DLGAP1: variants seen among roughly 807,000 people sequenced by gnomAD.
The protein encoded by DLGAP1 is disks large-associated protein 1.
A neutral mutation model predicts 90.8 loss-of-function variants in DLGAP1; 11 were observed. That is an observed-to-expected ratio of 0.12 (90% CI 0.08 to 0.20). DLGAP1 has a LOEUF of 0.20. DLGAP1 is among the 10% of genes least tolerant of loss of function. The pLI, the probability that DLGAP1 is intolerant of heterozygous loss-of-function variation, is 1.00. For synonymous variants in DLGAP1, 558 were observed against 540.7 expected (o/e 1.03, Z -0.44); for missense variants, 1,050 against 1,333.8 (o/e 0.79, Z 3.31).
At chr18:4,163,379 A>T (rs1485425059) in intron 1 of DLGAP1, among the ~76,000 whole-genome samples, 1 of 152,240 alleles carries the variant, frequency 6.6e-6, no homozygotes, top group Non-Finnish European at 1.5e-5. Flanking sequence ...GTATATCTGT[A>T]CGCACTACTA....
At chr18:4,324,409 T>C (rs959310030) in intron 1 of DLGAP1, among the ~76,000 whole-genome samples, 1 of 151,778 alleles carries the variant, frequency 6.6e-6, no homozygotes, top group African/African-American at 2.4e-5. Flanking sequence ...CAAGGCCAGA[T>C]GGATTCACAG....
intron 2 of DLGAP1, among the ~76,000 whole-genome samples, chr18:4,006,456 CCAA>C (rs2074302220): frequency 6.6e-6 from 1 of 152,182 alleles, no homozygotes; most frequent in Admixed American, 6.5e-5. Flanking sequence ...TCTGTTCTCA[CCAA>C]CGAGTATAAA....
chr18:4,079,713 TAA>T (rs60761325), intron 2 of DLGAP1, among the ~76,000 whole-genome samples: 4 of 134,610 alleles, frequency 3.0e-5, no homozygotes, highest in Admixed American at 2.9e-4. Context: ...TATATATATA[TAA>T]AAGAAAATCA....
intron 2 of DLGAP1, among the ~76,000 whole-genome samples, chr18:4,070,515 T>C (rs1314839816): frequency 5.1e-5 from 3 of 59,198 alleles, no homozygotes; most frequent in Admixed American, 1.3e-4. Context: ...TAAAAGTATA[T>C]TTTTTTTGCA....
At chr18:3,840,276 ATC>A (rs1282270777) in intron 4 of DLGAP1, among the ~76,000 whole-genome samples, 3 of 152,300 alleles carry the variant, frequency 2.0e-5, no homozygotes, top group East Asian at 3.9e-4. Context: ...CTCATATTTA[ATC>A]TCTTACAGTT....
At chr18:4,052,792 T>C (rs2075154995) in intron 2 of DLGAP1, among the ~76,000 whole-genome samples, 1 of 152,188 alleles carries the variant, frequency 6.6e-6, no homozygotes, top group African/African-American at 2.4e-5. Flanking sequence ...TAGAAGTTTC[T>C]TTCCCCAGAT....
intron 1 of DLGAP1, among the ~76,000 whole-genome samples, chr18:4,310,362 CA>C (rs2080368944): frequency 6.6e-6 from 1 of 152,132 alleles, no homozygotes; most frequent in Non-Finnish European, 1.5e-5. Flanking sequence ...AAACACAAAA[CA>C]ACTGGTGCTT....
At chr18:4,080,309 C>T (rs4798163) in intron 2 of DLGAP1, among the ~76,000 whole-genome samples, 97,731 of 152,064 alleles carry the variant, frequency 0.64, 31,994 homozygotes, top group Non-Finnish European at 0.7. Flanking sequence ...TTAATGATAA[C>T]GCTATCATTT....
intron 1 of DLGAP1, among the ~76,000 whole-genome samples, chr18:4,449,057 A>G (rs749501180): frequency 3.3e-5 from 5 of 152,186 alleles, no homozygotes; most frequent in Non-Finnish European, 5.9e-5. Context: ...AGACAGGCAT[A>G]TACGCAGAAA....
intron 7 of DLGAP1, among the ~76,000 whole-genome samples, chr18:3,639,755 C>CT (rs58862252): frequency 0.011 from 1,334 of 118,272 alleles, 40 homozygotes; most frequent in African/African-American, 0.022. Context: ...GCAGAGTTGC[C>CT]TTTTTTTTTT....
At chr18:4,304,260 G>T (rs1043990976) in intron 1 of DLGAP1, among the ~76,000 whole-genome samples, 1 of 151,530 alleles carries the variant, frequency 6.6e-6, no homozygotes, top group Non-Finnish European at 1.5e-5. Flanking sequence ...TAATACTATA[G>T]AATTGTACAC....
intron 3 of DLGAP1, among the ~76,000 whole-genome samples, chr18:3,963,818 C>A (rs1030316229): frequency 6.6e-6 from 1 of 152,070 alleles, no homozygotes; most frequent in African/African-American, 2.4e-5. Context: ...GTGACAGCCA[C>A]TGGCCACATG....
At chr18:3,810,350 T>TAGAAA (rs1042983626) in intron 5 of DLGAP1, among the ~76,000 whole-genome samples, 5 of 151,984 alleles carry the variant, frequency 3.3e-5, no homozygotes, top group African/African-American at 4.8e-5. Flanking sequence ...CTTCGGAAAA[T>TAGAAA]AGAAAAGAAA....
chr18:3,623,544 T>C (rs150348228), intron 7 of DLGAP1, among the ~76,000 whole-genome samples: 64 of 151,994 alleles, frequency 4.2e-4, no homozygotes, highest in Admixed American at 1.0e-3. Flanking sequence ...TCCCAGCACT[T>C]TGGGAGGCTG....
At chr18:4,309,796 T>C (rs1375499964) in intron 1 of DLGAP1, among the ~76,000 whole-genome samples, 1 of 152,192 alleles carries the variant, frequency 6.6e-6, no homozygotes, top group African/African-American at 2.4e-5. Context: ...AGTTTTCTTA[T>C]GTATCAAATG....
chr18:3,523,740 T>TG (rs1489746722), intron 10 of DLGAP1, among the ~76,000 whole-genome samples: 1 of 149,672 alleles, frequency 6.7e-6, no homozygotes, highest in African/African-American at 2.5e-5. Context: ...CCAGCTACAC[T>TG]GGGAGGCTGA....
At chr18:4,076,241 T>C (rs997014810) in intron 2 of DLGAP1, among the ~76,000 whole-genome samples, 1 of 152,234 alleles carries the variant, frequency 6.6e-6, no homozygotes, top group African/African-American at 2.4e-5. Context: ...AAGAGCTTAT[T>C]GTAGCAAGTA....
intron 4 of DLGAP1, among the ~76,000 whole-genome samples, chr18:3,820,733 A>G (rs543541688): frequency 6.6e-6 from 1 of 152,342 alleles, no homozygotes; most frequent in Admixed American, 6.5e-5. Context: ...AATAATCTCA[A>G]TGAGCTAGGG....
intron 3 of DLGAP1, among the ~76,000 whole-genome samples, chr18:3,966,142 C>T (rs192777398): frequency 5.9e-5 from 9 of 151,736 alleles, no homozygotes; most frequent in African/African-American, 1.5e-4. Context: ...TTCGCTAATG[C>T]GGTTGGAGGG....
Sources: allele counts gnomAD v4.1 joint callset (sites outside exome capture counted in the v4.1 genomes callset), GRCh38; gene constraint gnomAD v4.1.1; transcripts MANE v1.5; gene names NCBI Gene and HGNC (gene_info 2026-07-23, HGNC 2026-07-21).